Variants in ATG4A observed in about 807,000 individuals in gnomAD.
ATG4A encodes the protein autophagy related 4A cysteine peptidase.
Under a neutral mutation model 38.4 loss-of-function variants are expected in ATG4A, and 22 were observed. The ratio of observed to expected loss-of-function variants is 0.57; its 90% confidence interval spans 0.41 to 0.82. The LOEUF is 0.82. Ranked by LOEUF, ATG4A falls within the 40% of genes least tolerant of loss-of-function variation. The pLI is 0.00. For missense variants in ATG4A, 220 were observed against 290.0 expected, an observed-to-expected ratio of 0.76 and a Z score of 1.75; for synonymous variants, 86 against 100.7, an observed-to-expected ratio of 0.85 and a Z score of 0.88.
chrX:108,136,956 C>G (rs937151950), intron 6 of ATG4A, 135 bp from the exon 7 acceptor site: 3 of 417,603 alleles, frequency 7.2e-6, no homozygotes, highest in Non-Finnish European at 1.2e-5. Flanking sequence ...GCAAAGAAGC[C>G]AGAGCTGACC....
chrX:108,093,270 T>G (rs991596647), intron 1 of ATG4A, among the ~76,000 whole-genome samples: 2 of 112,212 alleles, frequency 1.8e-5, no homozygotes, highest in Non-Finnish European at 3.8e-5. Flanking sequence ...TTTTTGTTTC[T>G]ATAAATTTGC....
At chrX:108,147,433 C>T (rs62601383) in intron 9 of ATG4A, among the ~76,000 whole-genome samples, 95 of 111,698 alleles carry the variant, frequency 8.5e-4, no homozygotes, top group Non-Finnish European at 1.3e-3. Flanking sequence ...CAATCAATGC[C>T]CTCACTTTAA....
chrX:108,124,167 A>G (rs1340519235), intron 1 of ATG4A, among the ~76,000 whole-genome samples: 1 of 112,072 alleles, frequency 8.9e-6, no homozygotes, highest in African/African-American at 3.2e-5. Flanking sequence ...CTGGATAATC[A>G]TTTTTAGCCT....
At chrX:108,094,910 C>T (rs2031758252) in intron 1 of ATG4A, among the ~76,000 whole-genome samples, 1 of 112,470 alleles carries the variant, frequency 8.9e-6, no homozygotes, top group African/African-American at 3.2e-5. Flanking sequence ...AATATATATG[C>T]TGCAAATTCT....
intron 9 of ATG4A, among the ~76,000 whole-genome samples, chrX:108,143,149 A>G (rs757931579): frequency 1.8e-5 from 2 of 112,511 alleles, no homozygotes; most frequent in African/African-American, 3.2e-5. Context: ...TAAAATGAGA[A>G]TATTTTCTTA....
chrX:108,109,251 T>C (rs1309586168), intron 1 of ATG4A, among the ~76,000 whole-genome samples: 1 of 112,653 alleles, frequency 8.9e-6, no homozygotes, highest in Non-Finnish European at 1.9e-5. Context: ...AAAGTTGATG[T>C]TGAGCATCTT....
intron 1 of ATG4A, among the ~76,000 whole-genome samples, chrX:108,123,634 G>A (rs748200025): frequency 2.7e-5 from 3 of 112,109 alleles, no homozygotes; most frequent in Non-Finnish European, 5.6e-5. Flanking sequence ...CATTCGGGGT[G>A]TCTATCTTTT....
At chrX:108,127,831 G>C (rs1016479999) in intron 2 of ATG4A, among the ~76,000 whole-genome samples, 2 of 111,907 alleles carry the variant, frequency 1.8e-5, no homozygotes, top group African/African-American at 3.2e-5. Flanking sequence ...GACTAAGAAA[G>C]ACAGCCACAT....
chrX:108,133,504 G>A (rs2033017043), intron 4 of ATG4A, among the ~76,000 whole-genome samples: 1 of 112,575 alleles, frequency 8.9e-6, no homozygotes, highest in Non-Finnish European at 1.9e-5. Context: ...TTTTTAAAAG[G>A]TGGTGTAAAA....
chrX:108,103,339 C>T (rs2032074327), intron 1 of ATG4A, among the ~76,000 whole-genome samples: 1 of 111,774 alleles, frequency 8.9e-6, no homozygotes. Context: ...CCCTTTTCCC[C>T]ATTGTGTATT....
At chrX:108,112,078 A>G (rs1273329452) in intron 1 of ATG4A, among the ~76,000 whole-genome samples, 1 of 111,971 alleles carries the variant, frequency 8.9e-6, no homozygotes, top group Non-Finnish European at 1.9e-5. Context: ...TAGGCACACA[A>G]TGCATAATAA....
chrX:108,141,273 G>T (rs959166410), intron 9 of ATG4A, among the ~76,000 whole-genome samples: 10 of 104,507 alleles, frequency 9.6e-5, no homozygotes, highest in Admixed American at 3.2e-4. Flanking sequence ...CTTTGTTCAT[G>T]GGCCCATTGG....
intron 2 of ATG4A, chrX:108,127,024 G>T (rs770719427): frequency 5.8e-5 from 14 of 240,213 alleles, no homozygotes; most frequent in African/African-American, 4.0e-4. Context: ...TTTGATTGGA[G>T]AATTCTGAAC....
intron 1 of ATG4A, among the ~76,000 whole-genome samples, chrX:108,103,925 C>T (rs2032095423): frequency 8.9e-6 from 1 of 111,738 alleles, no homozygotes; most frequent in Non-Finnish European, 1.9e-5. Context: ...TAGCTCACTG[C>T]AACCTCCACC....
At chrX:108,108,182 A>T (rs1449265163) in intron 1 of ATG4A, among the ~76,000 whole-genome samples, 24 of 44,292 alleles carry the variant, frequency 5.4e-4, no homozygotes, top group African/African-American at 1.2e-3. Context: ...TTTTTTTTGC[A>T]CCCATGGCAT....
At chrX:108,139,480 C>T (rs1052475170) in intron 9 of ATG4A, among the ~76,000 whole-genome samples, 8 of 111,792 alleles carry the variant, frequency 7.2e-5, no homozygotes, top group Non-Finnish European at 1.3e-4. Context: ...GGGTGTGGAG[C>T]GGGGCGTGGG....
In ATG4A at chrX:108,153,813, C is replaced by T; in HGVS notation, c.*101C>T. The stretch of plus-strand genomic sequence containing the variant: ...TCTAGTCAGCAAGTGCCTGATATGC[C>T]AATAGCATACAAACTCAATAGCAAT... On this transcript the variant is annotated 3_prime_UTR_variant, in exon 13 of 13. Transcript: ENST00000372232. 1.7e-6 allele frequency: 1 copy of T among 588,545 alleles called. No homozygotes were observed. Among genetic ancestry groups the T allele is most frequent in the Non-Finnish European group, 2.8e-6 (1 of 352,841 alleles). The allele number at this position is 588,545 out of a possible 1,213,427, so 48.5% of individuals were successfully genotyped here. A position where few individuals can be genotyped will look rare whatever the true frequency, so the allele number is the denominator to read the frequency against.
intron 12 of ATG4A, 79 bp downstream of exon 12, chrX:108,153,166 A>T: frequency 1.3e-6 from 1 of 744,703 alleles, no homozygotes; most frequent in Non-Finnish European, 2.0e-6. Context: ...ATTGTGGCCC[A>T]TGCTTTCTGT....
chrX:108,096,767 G>T (rs1448744017), intron 1 of ATG4A, among the ~76,000 whole-genome samples: 1 of 110,272 alleles, frequency 9.1e-6, no homozygotes, highest in African/African-American at 3.3e-5. Flanking sequence ...AGGCTAAGGG[G>T]AAGTTATCCT....
Sources: allele counts gnomAD v4.1 joint callset (sites outside exome capture counted in the v4.1 genomes callset), GRCh38; gene constraint gnomAD v4.1.1; transcripts MANE v1.5; gene names NCBI Gene and HGNC (gene_info 2026-07-23, HGNC 2026-07-21).